PKHD1L1: variants seen among roughly 807,000 people sequenced by gnomAD.
The protein encoded by PKHD1L1 is PKHD1 like 1.
A neutral mutation model predicts 462.9 loss-of-function variants in PKHD1L1; 434 were observed. That is an observed-to-expected ratio of 0.94 (90% confidence interval 0.87 to 1.02). The LOEUF is 1.02. Among genes scored for constraint, PKHD1L1 ranks in the 50% least tolerant of loss-of-function variants. The probability of loss-of-function intolerance (pLI) is 0.00; values close to 1 mark genes in which losing one functional copy is unlikely to be tolerated. For missense variants in PKHD1L1, 5,202 were observed against 5,096.1 expected, an observed-to-expected ratio of 1.02 and a Z score of -0.63; for synonymous variants, 1,781 against 1,750.0, an observed-to-expected ratio of 1.02 and a Z score of -0.44.
intron 6 of PKHD1L1, 87 bp from the exon 7 acceptor site, chr8:109,388,410 G>A (rs2130466393): frequency 2.2e-6 from 2 of 929,830 alleles, no homozygotes; most frequent in South Asian, 3.0e-5. Flanking sequence ...AAAATTTAAG[G>A]GAACCAGTGA....
At chr8:109,371,483 T>G (rs1223963261) in intron 2 of PKHD1L1, among the ~76,000 whole-genome samples, 11 of 150,676 alleles carry the variant, frequency 7.3e-5, no homozygotes, top group Non-Finnish European at 1.5e-4. Context: ...TAGTTTCTTT[T>G]GCTGTGCAGA....
chr8:109,523,093 A>G (rs1820635152), intron 75 of PKHD1L1, 140 bp from the exon 76 acceptor site: 1 of 1,013,492 alleles, frequency 9.9e-7, no homozygotes, highest in African/African-American at 1.6e-5. Context: ...CAGGTTTATG[A>G]ACTCTTTGTG....
Position 109,433,124 on chromosome 8 carries a change from C to T in PKHD1L1, c.3248C>T (p.Thr1083Ile). ...TTTTTAGGGTCCTATGAAGAAGGCA[C>T]AATTCTAACCATAGTGGGTTCTGGA... Reference protein sequence around the residue: ...SPSQGSYEEGTILTIVGSGFS... With the variant: ...SPSQGSYEEGIILTIVGSGFS... The change falls in exon 28 of 78, where the codon ACA becomes ATA. Residue 1083 changes from threonine (T) to isoleucine (I), a missense_variant. Coordinates refer to ENST00000378402, the MANE Select transcript of PKHD1L1 (RefSeq NM_177531.6). 6.2e-7 allele frequency: 1 copy of T among 1,612,522 alleles called. No homozygotes were observed. Among genetic ancestry groups the T allele is most frequent in the African/African-American group, 1.3e-5 (1 of 74,968 alleles).
chr8:109,404,872 A>T, intron 15 of PKHD1L1, 123 bp from the exon 16 acceptor site: 1 of 1,101,816 alleles, frequency 9.1e-7, no homozygotes, highest in Non-Finnish European at 1.2e-6. Context: ...TAAGCCAAAA[A>T]GGCTGTTACT....
chr8:109,523,040 G>C, intron 75 of PKHD1L1, 150 bp downstream of exon 75: 1 of 1,061,422 alleles, frequency 9.4e-7, no homozygotes, highest in Non-Finnish European at 1.3e-6. Context: ...ATACCATCTT[G>C]TAATGTCTCA....
chr8:109,518,469 G>A lies in PKHD1L1; in HGVS notation c.11992G>A (p.Gly3998Arg). 6.2e-7 allele frequency: 1 copy of A among 1,606,546 alleles called. No individual in the cohort carries two copies. The highest frequency in any genetic ancestry group is 8.5e-7 in the Non-Finnish European group (1 of 1,179,330). ...GGGATTCATAATTGAAATAGAGATT[G>A]GAGACCCTCCTATTCAGTTCATAAG... The part of the protein sequence containing the change: ...SMGFIIEIEI[G>R]DPPIQFISNG... The change falls in exon 73 of 78, where the codon GGA becomes AGA. Residue 3998 changes from glycine to arginine, a missense_variant. Transcript: ENST00000378402.
chr8:109,530,858 G>C lies in PKHD1L1; in HGVS notation c.*768G>C, dbSNP rs1235998720. Reference sequence around the variant, plus strand: ...GGGTTGAGGGGTTCCCTTAACTGGTGGATGCTTATTCACTGTTTACTGGAT... The same window carrying C: ...GGGTTGAGGGGTTCCCTTAACTGGTCGATGCTTATTCACTGTTTACTGGAT... On this transcript the variant is annotated 3_prime_UTR_variant, in exon 78 of 78. Coordinates refer to ENST00000378402, the MANE Select transcript of PKHD1L1 (RefSeq NM_177531.6). Among the ~76,000 whole-genome samples the C allele has an allele frequency of 2.0e-5, 3 of 152,038 alleles. No individual in the cohort carries two copies. Among genetic ancestry groups the C allele is most frequent in the Non-Finnish European group, 4.4e-5 (3 of 68,020 alleles).
At chr8:109,484,916 A>G (rs1235681237) in intron 57 of PKHD1L1, 128 bp from the exon 58 acceptor site, 1 of 716,614 alleles carries the variant, frequency 1.4e-6, no homozygotes, top group Non-Finnish European at 2.2e-6. Context: ...TGTACTGTTT[A>G]TTCTTTCTGA....
intron 31 of PKHD1L1, 43 bp from the exon 32 acceptor site, chr8:109,438,854 A>G (rs976351412): frequency 2.1e-5 from 29 of 1,395,258 alleles, no homozygotes; most frequent in Non-Finnish European, 2.6e-5. Context: ...ACTGGATAAC[A>G]AGTTGAACTT....
intron 21 of PKHD1L1, among the ~76,000 whole-genome samples, chr8:109,416,656 A>G (rs1406451346): frequency 6.6e-6 from 1 of 152,198 alleles, no homozygotes; most frequent in Admixed American, 6.5e-5. Context: ...CATTCCACAG[A>G]GGAATTATTG....
chr8:109,504,232 A>G (rs1819577647), intron 67 of PKHD1L1, 95 bp from the exon 68 acceptor site: 1 of 733,850 alleles, frequency 1.4e-6, no homozygotes, highest in Non-Finnish European at 2.1e-6. Flanking sequence ...TGTTTAAGGT[A>G]GTGACAAAAG....
chr8:109,414,979 T>C (rs1261479443), intron 21 of PKHD1L1, among the ~76,000 whole-genome samples: 39 of 105,426 alleles, frequency 3.7e-4, no homozygotes, highest in South Asian at 1.1e-3. Context: ...TTATTATTAT[T>C]ATTATTATTA....
intron 68 of PKHD1L1, among the ~76,000 whole-genome samples, chr8:109,506,231 C>A (rs1197708043): frequency 1.3e-5 from 2 of 152,138 alleles, no homozygotes; most frequent in Non-Finnish European, 2.9e-5. Context: ...ACCCAGCCCC[C>A]AAATGTTCTC....
In PKHD1L1 at chr8:109,533,921, C is replaced by A. The variant is rs893035221; in HGVS notation, c.*3831C>A. Among the ~76,000 whole-genome samples, 2 of 152,200 alleles carry A rather than the reference C, an allele frequency of 1.3e-5. No homozygotes were observed. The highest frequency in any genetic ancestry group is 2.4e-5 in the African/African-American group (1 of 41,458). On this transcript the variant is annotated 3_prime_UTR_variant, in exon 78 of 78. Transcript: ENST00000378402. ...CTCTTCCAGAACCCAGAGAGCTCAG[C>A]TGAAAGGAGTTTGGGTTCCTGACAT...
Position 109,429,969 on chromosome 8 carries a change from C to T in PKHD1L1, c.3161C>T (p.Ser1054Leu). Residue 1054 changes from serine (S) to leucine (L), a missense_variant, in exon 27 of 78, where the codon TCA becomes TTA. By Grantham distance (145) the Ser-to-Leu change is moderately radical. Coordinates refer to ENST00000378402, the MANE Select transcript of PKHD1L1 (RefSeq NM_177531.6). ...GTCAATGGAATTCCAGCTAAATGTT[C>T]AGGTGACTGTGGATTTACATGGGAT... ...VYVNGIPAKC[S>L]GDCGFTWDSN... is the part of the protein sequence containing the mutation. 6.2e-7 allele frequency: 1 copy of T among 1,611,942 alleles called. No homozygotes were observed. Among genetic ancestry groups the T allele is most frequent in the Non-Finnish European group, 8.5e-7 (1 of 1,179,102 alleles).
chr8:109,363,319 A>G (rs147688488), intron 1 of PKHD1L1, among the ~76,000 whole-genome samples: 100 of 151,978 alleles, frequency 6.6e-4, no homozygotes, highest in African/African-American at 2.2e-3. Context: ...CGGGAATAAG[A>G]ACACCTTGGA....
intron 77 of PKHD1L1, among the ~76,000 whole-genome samples, chr8:109,528,014 A>C (rs1205710289): frequency 1.3e-5 from 2 of 152,210 alleles, no homozygotes; most frequent in Non-Finnish European, 2.9e-5. Context: ...AGTTTCACTA[A>C]GGATAATAAA....
chr8:109,470,242 G>A lies in PKHD1L1; in HGVS notation c.8605+3473G>A, dbSNP rs563446165. 4.5e-6 allele frequency: 6 copies of A among 1,341,620 alleles called. No individual in the cohort carries two copies. The South Asian group carries it at 5.0e-5, about 11-fold the overall frequency. The allele number at this position is 1,341,620 out of a possible 1,614,324, so 83.1% of individuals were successfully genotyped here. Reference sequence around the variant, plus strand: ...TACTGAGCCTTGTTGGAAATACTCAGATCATCATGAAAACAAATACTGTGA... The same window carrying A: ...TACTGAGCCTTGTTGGAAATACTCAAATCATCATGAAAACAAATACTGTGA... On this transcript the variant is annotated intron_variant, in intron 50 of 77. Transcript: ENST00000378402.
At chr8:109,449,621 A>C (rs960653507) in intron 40 of PKHD1L1, 134 bp downstream of exon 40, 23 of 656,508 alleles carry the variant, frequency 3.5e-5, no homozygotes, top group Middle Eastern at 4.5e-4. Context: ...ATTCTAAGCA[A>C]TTTCTTCAGG....
Sources: gnomAD v4.1 joint callset for allele counts (sites outside exome capture counted in the v4.1 genomes callset) on GRCh38, gnomAD v4.1.1 for gene constraint, MANE v1.5 for transcripts, NCBI Gene and HGNC (gene_info 2026-07-23, HGNC 2026-07-21) for gene names.